Variants in MINDY3 observed in about 807,000 individuals in gnomAD.
The protein encoded by MINDY3 is ubiquitin carboxyl-terminal hydrolase MINDY-3.
In MINDY3, 38 loss-of-function variants were observed where a neutral mutation model predicts 69.2. That is an observed-to-expected ratio of 0.55 (90% CI 0.42 to 0.72). The LOEUF is 0.72. Ranked by LOEUF, MINDY3 falls within the 30% of genes least tolerant of loss-of-function variation. MINDY3 has a pLI of 0.00. For missense variants in MINDY3, 522 were observed against 519.0 expected (o/e 1.01, Z -0.06); for synonymous variants, 192 against 180.1 (o/e 1.07, Z -0.53).
chr10:15,821,152 G>T (rs904369819), intron 9 of MINDY3, among the ~76,000 whole-genome samples: 1 of 152,142 alleles, frequency 6.6e-6, no homozygotes, highest in African/African-American at 2.4e-5. Flanking sequence ...TAACCCTAGT[G>T]CATGTGTCAA....
In MINDY3 at chr10:15,843,294, A is replaced by G. The variant is rs7072683; in HGVS notation, c.175-22T>C. The stretch of plus-strand genomic sequence containing the variant: ...ATGCCTTTACACAATTAAAGCAATA[A>G]TTAGTGAAATGCATTATAACCATAC... On this transcript the variant is annotated intron_variant, in intron 2 of 14. Coordinates refer to ENST00000277632, the MANE Select transcript of MINDY3 (RefSeq NM_024948.4). 6,262 of 1,563,702 alleles carry G rather than the reference A, an allele frequency of 4.0e-3. 125 individuals are homozygous for G. The African/African-American group carries it at 0.058, about 15-fold the overall frequency.
intron 8 of MINDY3, among the ~76,000 whole-genome samples, chr10:15,832,483 C>A (rs1832798877): frequency 6.6e-6 from 1 of 151,912 alleles, no homozygotes; most frequent in African/African-American, 2.4e-5. Flanking sequence ...ATGCTTTCAG[C>A]TATGAATCAG....
chr10:15,835,739 C>A (rs572850582), intron 6 of MINDY3, among the ~76,000 whole-genome samples: 1 of 145,518 alleles, frequency 6.9e-6, no homozygotes, highest in South Asian at 2.2e-4. Flanking sequence ...CACAGCTACT[C>A]CGAACATCTA....
At chr10:15,807,589 G>A (rs1421876766) in intron 10 of MINDY3, among the ~76,000 whole-genome samples, 2 of 152,058 alleles carry the variant, frequency 1.3e-5, no homozygotes, top group Non-Finnish European at 2.9e-5. Flanking sequence ...TGAACAGATA[G>A]CTAGGGGTGT....
intron 10 of MINDY3, among the ~76,000 whole-genome samples, chr10:15,813,978 C>CA (rs777561427): frequency 0.024 from 1,594 of 66,136 alleles, 20 homozygotes; most frequent in East Asian, 0.079. Context: ...CACCAAAACT[C>CA]AAAAAAAAAA....
intron 8 of MINDY3, among the ~76,000 whole-genome samples, chr10:15,828,535 A>AATGGGTGACATG (rs1840244592): frequency 1.3e-5 from 2 of 152,030 alleles, no homozygotes; most frequent in African/African-American, 2.4e-5. Context: ...GTCCATTTTA[A>AATGGGTGACATG]ATGGGTGACA....
At chr10:15,787,557 C>T (rs895465399) in intron 12 of MINDY3, among the ~76,000 whole-genome samples, 3 of 152,094 alleles carry the variant, frequency 2.0e-5, no homozygotes, top group Non-Finnish European at 4.4e-5. Context: ...GGTCAGTTAC[C>T]AGGTGTGCCT....
intron 2 of MINDY3, among the ~76,000 whole-genome samples, chr10:15,846,676 A>G (rs1012426999): frequency 1.6e-4 from 24 of 152,122 alleles, no homozygotes; most frequent in Non-Finnish European, 2.9e-4. Context: ...TATATAGAGC[A>G]TAAGTTCTGA....
At chr10:15,794,561 G>A (rs1837663716) in intron 11 of MINDY3, among the ~76,000 whole-genome samples, 2 of 152,010 alleles carry the variant, frequency 1.3e-5, no homozygotes, top group Non-Finnish European at 2.9e-5. Context: ...ATGTAACTCT[G>A]TAGATTAAAA....
At chr10:15,820,437 C>T (rs1227842177) in intron 9 of MINDY3, among the ~76,000 whole-genome samples, 1 of 152,140 alleles carries the variant, frequency 6.6e-6, no homozygotes, top group Non-Finnish European at 1.5e-5. Context: ...GGCATGCGTG[C>T]ACATCCCACT....
chr10:15,796,476 GAAA>G (rs746694573), intron 10 of MINDY3, among the ~76,000 whole-genome samples: 1 of 138,274 alleles, frequency 7.2e-6, no homozygotes, highest in South Asian at 2.3e-4. Context: ...AATGTAGCAT[GAAA>G]AAAAAAAACA....
rs534413903 is a variant in MINDY3 at position 15,789,178 on chromosome 10, T to C, written c.1028+69A>G. ...TATAGATTTTTAAAAAGGCAAAAAA[T>C]GTACAATATGTCTTAAACTTAATCG... On this transcript the variant is annotated intron_variant, in intron 12 of 14. Coordinates refer to ENST00000277632, the MANE Select transcript of MINDY3 (RefSeq NM_024948.4). 62 of 1,292,182 alleles carry C rather than the reference T, an allele frequency of 4.8e-5. No individual in the cohort carries two copies. In the Admixed American group the frequency reaches 1.1e-3, roughly 23 times the overall value. 80.0% of individuals were successfully genotyped at this position (1,292,182 alleles called of 1,614,324 possible). A position where few individuals can be genotyped will look rare whatever the true frequency, so the allele number is the denominator to read the frequency against.
At chr10:15,820,919 G>A (rs1839712822) in intron 9 of MINDY3, among the ~76,000 whole-genome samples, 1 of 152,088 alleles carries the variant, frequency 6.6e-6, no homozygotes, top group Non-Finnish European at 1.5e-5. Context: ...AGACCAGCCT[G>A]GGCAACATAG....
chr10:15,800,301 G>C (rs1364090296), intron 10 of MINDY3, among the ~76,000 whole-genome samples: 1 of 152,104 alleles, frequency 6.6e-6, no homozygotes, highest in Admixed American at 6.5e-5. Flanking sequence ...CATACGGACT[G>C]TACCTGGCAC....
In MINDY3 at chr10:15,786,566, C is replaced by A. The variant is rs1304319883; in HGVS notation, c.1111G>T (p.Asp371Tyr). 1.9e-6 allele frequency: 3 copies of A among 1,546,052 alleles called. No homozygotes were observed. The African/African-American group carries it at 4.1e-5, about 21-fold the overall frequency. The change falls in exon 13 of 15, where the codon GAT becomes TAT. Residue 371 changes from aspartate (D) to tyrosine (Y), a missense_variant. Physicochemically the swap from Asp to Tyr is radical, Grantham distance 160. Coordinates refer to ENST00000277632, the MANE Select transcript of MINDY3 (RefSeq NM_024948.4). ...TATTTCCTCAACTATGTTACCTGATCAGGAAAAAATTCTTGAAGAAATGGG... is the reference window on the plus strand; with the variant it reads ...TATTTCCTCAACTATGTTACCTGATAAGGAAAAAATTCTTGAAGAAATGGG... The part of the protein sequence containing the change: ...LGPFLQEFFP[D>Y]QGSSGPESFT...
chr10:15,849,072 A>T (rs1834079278), intron 1 of MINDY3, among the ~76,000 whole-genome samples: 1 of 152,166 alleles, frequency 6.6e-6, no homozygotes, highest in African/African-American at 2.4e-5. Flanking sequence ...GATAATTACT[A>T]AAATAAAGGA....
intron 8 of MINDY3, 35 bp downstream of exon 8, chr10:15,833,595 A>G: frequency 7.7e-7 from 1 of 1,302,668 alleles, no homozygotes; most frequent in Non-Finnish European, 1.1e-6. Context: ...AATATTATTC[A>G]TCAAAGAGAG....
intron 11 of MINDY3, among the ~76,000 whole-genome samples, chr10:15,793,747 G>T (rs1837596452): frequency 6.6e-6 from 1 of 152,064 alleles, no homozygotes; most frequent in African/African-American, 2.4e-5. Context: ...ACAAAAACAA[G>T]GATGATGATC....
intron 8 of MINDY3, among the ~76,000 whole-genome samples, chr10:15,829,364 A>G (rs953199556): frequency 2.0e-5 from 3 of 152,200 alleles, no homozygotes; most frequent in Non-Finnish European, 2.9e-5. Flanking sequence ...TTAAAAATAT[A>G]TGAATGCCCA....
Sources: gnomAD v4.1 joint callset for allele counts (sites outside exome capture counted in the v4.1 genomes callset) on GRCh38, gnomAD v4.1.1 for gene constraint, MANE v1.5 for transcripts, NCBI Gene and HGNC (gene_info 2026-07-23, HGNC 2026-07-21) for gene names.